ANGPT1: variants seen among roughly 807,000 people sequenced by gnomAD.
ANGPT1 encodes angiopoietin-1.
In ANGPT1, 17 loss-of-function variants were observed where a neutral mutation model predicts 62.2. The ratio of observed to expected loss-of-function variants is 0.27; its 90% CI spans 0.19 to 0.41. The LOEUF (loss-of-function observed/expected upper bound fraction) is 0.41, where lower values mean the gene tolerates loss of function less well. Ranked by LOEUF, ANGPT1 falls within the 10% of genes least tolerant of loss-of-function variation. The pLI is 1.00. For missense variants in ANGPT1, 478 were observed against 594.9 expected (o/e 0.80, Z 2.04); for synonymous variants, 199 against 198.9 (o/e 1.00, Z 0.00).
chr8:107,342,147 C>G (rs1815709378), intron 2 of ANGPT1, among the ~76,000 whole-genome samples: 1 of 152,232 alleles, frequency 6.6e-6, no homozygotes, highest in Non-Finnish European at 1.5e-5. Flanking sequence ...TAGACTGCTT[C>G]TGTTCAAAGT....
chr8:107,487,455 A>G (rs1812843840), intron 1 of ANGPT1, among the ~76,000 whole-genome samples: 1 of 152,192 alleles, frequency 6.6e-6, no homozygotes, highest in South Asian at 2.1e-4. Context: ...CATTTCTAAA[A>G]CAATAAGAAA....
chr8:107,308,198 G>A (rs922010670), intron 4 of ANGPT1, among the ~76,000 whole-genome samples: 3 of 148,782 alleles, frequency 2.0e-5, no homozygotes, highest in African/African-American at 2.4e-5. Flanking sequence ...AGCCTGATGC[G>A]AAAAAGATCT....
chr8:107,472,548 A>T (rs887295520), intron 1 of ANGPT1, among the ~76,000 whole-genome samples: 4 of 152,080 alleles, frequency 2.6e-5, no homozygotes, highest in African/African-American at 9.7e-5. Context: ...AAAAATATTT[A>T]AAAATAAGAA....
At chr8:107,263,592 CA>C (rs567499378) in intron 8 of ANGPT1, among the ~76,000 whole-genome samples, 14 of 151,756 alleles carry the variant, frequency 9.2e-5, no homozygotes, top group Non-Finnish European at 2.1e-4. Flanking sequence ...ATGAGAGCAC[CA>C]AATTGAGAAT....
chr8:107,365,890 C>CACACACACACAT (rs71308725), intron 1 of ANGPT1, among the ~76,000 whole-genome samples: 4 of 148,922 alleles, frequency 2.7e-5, no homozygotes, highest in Admixed American at 2.0e-4. Flanking sequence ...CACACACACA[C>CACACACACACAT]GATTTTGCCT....
chr8:107,394,079 G>A (rs768569159), intron 1 of ANGPT1, among the ~76,000 whole-genome samples: 2 of 152,140 alleles, frequency 1.3e-5, no homozygotes, highest in East Asian at 3.9e-4. Context: ...TTTTATTACA[G>A]TGCCCGCAAG....
Position 107,370,400 on chromosome 8 carries a change from GA to G in ANGPT1, c.298-23304del, listed in dbSNP as rs1554586989. 2.8e-4 allele frequency among the ~76,000 whole-genome samples: 15 copies of G among 53,544 alleles called. 5 individuals are homozygous for G. The highest frequency in any genetic ancestry group is 1.1e-3 in the Admixed American group (4 of 3,514). The allele number at this position is 53,544 out of a possible 152,430, so 35.1% of individuals were successfully genotyped here. A position where few individuals can be genotyped will look rare whatever the true frequency, so the allele number is the denominator to read the frequency against. On this transcript the variant is annotated intron_variant, in intron 1 of 8. Transcript: ENST00000517746. ...AGAAAGAAAGAAAGAAAGAAAGAAA[GA>G]AAGAAAGAGTCAGGGTCAGTGGCTC...
chr8:107,325,256 A>G (rs1815260011), intron 3 of ANGPT1, among the ~76,000 whole-genome samples: 1 of 152,170 alleles, frequency 6.6e-6, no homozygotes, highest in Admixed American at 6.5e-5. Context: ...TAGATCTGAG[A>G]ATTAACCACG....
intron 2 of ANGPT1, among the ~76,000 whole-genome samples, chr8:107,343,176 G>T (rs16876056): frequency 0.19 from 29,320 of 151,888 alleles, 3,172 homozygotes; most frequent in East Asian, 0.33. Context: ...GGTCCAAACG[G>T]CAGATGTAAT....
chr8:107,332,477 C>T (rs1815446231), intron 3 of ANGPT1, among the ~76,000 whole-genome samples: 1 of 152,180 alleles, frequency 6.6e-6, no homozygotes. Context: ...AATCCTGTTT[C>T]TGCTTTGTGC....
At chr8:107,268,790 T>C (rs1179602184) in intron 7 of ANGPT1, among the ~76,000 whole-genome samples, 2 of 151,860 alleles carry the variant, frequency 1.3e-5, no homozygotes, top group Non-Finnish European at 2.9e-5. Flanking sequence ...AAAGCAGAAG[T>C]AGAGAGAAGT....
At chr8:107,294,892 A>G (rs1356367849) in intron 5 of ANGPT1, 1 of 152,150 alleles carries the variant, frequency 6.6e-6, no homozygotes, top group East Asian at 1.9e-4. Context: ...CAGCTTGATT[A>G]TTCAACGGGG....
chr8:107,264,596 A>T (rs1280715789), intron 7 of ANGPT1, among the ~76,000 whole-genome samples: 1 of 152,174 alleles, frequency 6.6e-6, no homozygotes, highest in Non-Finnish European at 1.5e-5. Context: ...AGAAAACATA[A>T]AAACTTGGGT....
intron 8 of ANGPT1, among the ~76,000 whole-genome samples, chr8:107,252,914 G>C (rs1813278557): frequency 6.6e-6 from 1 of 152,028 alleles, no homozygotes; most frequent in South Asian, 2.1e-4. Flanking sequence ...TTTTTTATTT[G>C]GATACAGTTG....
intron 4 of ANGPT1, among the ~76,000 whole-genome samples, chr8:107,314,573 C>T (rs536051861): frequency 6.6e-6 from 1 of 152,210 alleles, no homozygotes; most frequent in African/African-American, 2.4e-5. Flanking sequence ...TCAATTTTGC[C>T]TTAAGCCACT....
At chr8:107,257,890 TGTTTGTTTG>T (rs1563537309) in intron 8 of ANGPT1, among the ~76,000 whole-genome samples, 4 of 104,388 alleles carry the variant, frequency 3.8e-5, no homozygotes, top group East Asian at 4.8e-4. Flanking sequence ...CTTTTTTGTT[TGTTTGTTTG>T]TTTGTTTGTT....
At chr8:107,343,716 A>T (rs1815744457) in intron 2 of ANGPT1, among the ~76,000 whole-genome samples, 1 of 152,210 alleles carries the variant, frequency 6.6e-6, no homozygotes, top group Admixed American at 6.5e-5. Context: ...GAAGGTAAAG[A>T]CTGCTTTATT....
intron 6 of ANGPT1, among the ~76,000 whole-genome samples, chr8:107,293,220 GA>G (rs1814323186): frequency 6.6e-6 from 1 of 151,802 alleles, no homozygotes; most frequent in Non-Finnish European, 1.5e-5. Flanking sequence ...TGATGATGAT[GA>G]TGATGATGAT....
intron 1 of ANGPT1, among the ~76,000 whole-genome samples, chr8:107,470,658 G>C (rs1812331543): frequency 6.6e-6 from 1 of 151,948 alleles, no homozygotes; most frequent in South Asian, 2.1e-4. Context: ...TGTCAATTTT[G>C]GCTTTTGTTG....
Sources: allele counts gnomAD v4.1 joint callset (sites outside exome capture counted in the v4.1 genomes callset), GRCh38; gene constraint gnomAD v4.1.1; transcripts MANE v1.5; gene names NCBI Gene and HGNC (gene_info 2026-07-23, HGNC 2026-07-21).